RORA: variants seen among roughly 807,000 people sequenced by gnomAD.
RORA encodes the protein RAR related orphan receptor A, also known as nuclear receptor ROR-alpha.
Under a neutral mutation model 69.5 loss-of-function variants are expected in RORA, and 7 were observed. The observed-to-expected ratio is 0.10, with a 90% confidence interval of 0.06 to 0.19. The LOEUF (loss-of-function observed/expected upper bound fraction) is 0.19. RORA is among the 10% of genes least tolerant of loss of function. The pLI is 1.00. For missense variants in RORA, 457 were observed against 663.0 expected, an observed-to-expected ratio of 0.69 and a Z score of 3.41; for synonymous variants, 261 against 240.8, an observed-to-expected ratio of 1.08 and a Z score of -0.78.
In RORA at chr15:60,604,132, C is replaced by CA. The variant is rs3053857; in HGVS notation, c.197-72282dup. On this transcript the variant is annotated intron_variant, in intron 2 of 10. Coordinates refer to ENST00000335670, the MANE Select transcript of RORA (RefSeq NM_134261.3). ...TGGGTGACAGAGCGAGACTCTGTCTCAAAAAAAAAAAAAAAAAAAAAAGCA... is the reference window on the plus strand; with the variant it reads ...TGGGTGACAGAGCGAGACTCTGTCTCAAAAAAAAAAAAAAAAAAAAAAAGCA... Among the ~76,000 whole-genome samples the CA allele has an allele frequency of 6.3e-3, 583 of 91,842 alleles. 10 individuals carry two copies. Among genetic ancestry groups the CA allele is most frequent in the South Asian group, 9.6e-3 (25 of 2,596 alleles). The allele number at this position is 91,842 out of a possible 152,430, so 60.3% of individuals were successfully genotyped here.
At chr15:60,933,024 C>A (rs771410174) in intron 1 of RORA, among the ~76,000 whole-genome samples, 9 of 152,168 alleles carry the variant, frequency 5.9e-5, no homozygotes, top group Middle Eastern at 3.2e-3. Context: ...CCCCCACAGT[C>A]ATGAACTTGC....
At chr15:60,941,219 G>A (rs1892686085) in intron 1 of RORA, among the ~76,000 whole-genome samples, 1 of 152,160 alleles carries the variant, frequency 6.6e-6, no homozygotes, top group Admixed American at 6.5e-5. Context: ...TCAACCTCTG[G>A]TTAATTCAAG....
intron 1 of RORA, among the ~76,000 whole-genome samples, chr15:60,807,020 T>C (rs1418031871): frequency 6.6e-6 from 1 of 152,032 alleles, no homozygotes; most frequent in African/African-American, 2.4e-5. Flanking sequence ...GATGCCCACT[T>C]TTACCACTTC....
intron 3 of RORA, among the ~76,000 whole-genome samples, chr15:60,526,977 T>C (rs762526770): frequency 1.3e-5 from 2 of 152,242 alleles, no homozygotes; most frequent in Non-Finnish European, 2.9e-5. Flanking sequence ...TAAGAAAATA[T>C]ATTTGTTAAC....
At chr15:60,832,905 AGT>A (rs2073062697) in intron 1 of RORA, among the ~76,000 whole-genome samples, 1 of 151,314 alleles carries the variant, frequency 6.6e-6, no homozygotes. Context: ...ATCCCAACTG[AGT>A]GTTCTTTTTT....
At chr15:60,944,048 C>T (rs1349003773) in intron 1 of RORA, among the ~76,000 whole-genome samples, 2 of 151,782 alleles carry the variant, frequency 1.3e-5, no homozygotes, top group Non-Finnish European at 2.9e-5. Context: ...CATAGTCAGT[C>T]AGTCGTCCAT....
chr15:60,941,914 G>A (rs1019417728), intron 1 of RORA, among the ~76,000 whole-genome samples: 5 of 152,118 alleles, frequency 3.3e-5, no homozygotes, highest in Admixed American at 6.6e-5. Flanking sequence ...GTTTTTAAAA[G>A]CAGACATTTT....
chr15:60,561,056 GTT>G (rs59042428), intron 2 of RORA, among the ~76,000 whole-genome samples: 2 of 119,726 alleles, frequency 1.7e-5, no homozygotes, highest in African/African-American at 3.4e-5. Flanking sequence ...TTTAACTTGT[GTT>G]TTTTTTTTTT....
chr15:61,180,648 G>A (rs1274108759), intron 1 of RORA, among the ~76,000 whole-genome samples: 2 of 152,130 alleles, frequency 1.3e-5, no homozygotes, highest in East Asian at 1.9e-4. Flanking sequence ...TCTGTATGTT[G>A]TGCCTATGTC....
chr15:60,541,259 T>G (rs2066862864), intron 2 of RORA, among the ~76,000 whole-genome samples: 1 of 152,180 alleles, frequency 6.6e-6, no homozygotes. Flanking sequence ...ACAAAAAATA[T>G]GGCAAGTTCT....
intron 1 of RORA, among the ~76,000 whole-genome samples, chr15:61,137,952 A>G (rs1409857132): frequency 3.3e-5 from 5 of 152,242 alleles, no homozygotes; most frequent in African/African-American, 9.6e-5. Context: ...GTCCACCAGG[A>G]AAACATACTT....
Position 60,839,437 on chromosome 15 carries a change from A to T in RORA, c.167-160751T>A, listed in dbSNP as rs186219978. ...AATGCATTACTTTTAATGGCAAAAAACGAAATTACTTTTACACCAACCTAA... is the reference window on the plus strand; with the variant it reads ...AATGCATTACTTTTAATGGCAAAAATCGAAATTACTTTTACACCAACCTAA... On this transcript the variant is annotated intron_variant, in intron 1 of 10. Coordinates refer to ENST00000335670, the MANE Select transcript of RORA (RefSeq NM_134261.3). 2.5e-3 allele frequency among the ~76,000 whole-genome samples: 386 copies of T among 152,338 alleles called. 2 individuals are homozygous for T. The highest frequency in any genetic ancestry group is 7.7e-3 in the African/African-American group (320 of 41,570).
chr15:60,926,523 A>G (rs1431132685), intron 1 of RORA, among the ~76,000 whole-genome samples: 1 of 152,254 alleles, frequency 6.6e-6, no homozygotes, highest in Non-Finnish European at 1.5e-5. Context: ...TTTTAAGCAC[A>G]GTGGTACATC....
At chr15:60,544,643 A>G (rs2067012941) in intron 2 of RORA, among the ~76,000 whole-genome samples, 1 of 152,226 alleles carries the variant, frequency 6.6e-6, no homozygotes, top group Non-Finnish European at 1.5e-5. Flanking sequence ...TTCAAAGTAA[A>G]CAAGTTAATT....
intron 1 of RORA, among the ~76,000 whole-genome samples, chr15:61,104,232 T>G (rs530222612): frequency 6.6e-6 from 1 of 152,226 alleles, no homozygotes; most frequent in Non-Finnish European, 1.5e-5. Context: ...CTTCACGCTA[T>G]GCAGACAGGT....
At chr15:61,065,985 A>G (rs770667686) in intron 1 of RORA, among the ~76,000 whole-genome samples, 1 of 152,236 alleles carries the variant, frequency 6.6e-6, no homozygotes, top group Non-Finnish European at 1.5e-5. Context: ...TGGAAAGCCA[A>G]CAACTGAATC....
At chr15:61,142,935 C>G (rs2079314121) in intron 1 of RORA, among the ~76,000 whole-genome samples, 1 of 152,130 alleles carries the variant, frequency 6.6e-6, no homozygotes, top group Non-Finnish European at 1.5e-5. Flanking sequence ...CCCTAAGAGG[C>G]ATTCCTATTA....
intron 2 of RORA, among the ~76,000 whole-genome samples, chr15:60,609,642 C>T (rs1232422039): frequency 6.6e-6 from 1 of 152,212 alleles, no homozygotes; most frequent in Non-Finnish European, 1.5e-5. Flanking sequence ...GCCGCCGCAT[C>T]TCAACCCAAA....
intron 1 of RORA, among the ~76,000 whole-genome samples, chr15:61,101,150 C>G (rs12592311): frequency 0.19 from 29,162 of 152,164 alleles, 3,147 homozygotes; most frequent in East Asian, 0.35. Flanking sequence ...ACAAATCACT[C>G]ATTCATTCAC....
Sources: gnomAD v4.1 joint callset for allele counts (sites outside exome capture counted in the v4.1 genomes callset) on GRCh38, gnomAD v4.1.1 for gene constraint, MANE v1.5 for transcripts, NCBI Gene and HGNC (gene_info 2026-07-23, HGNC 2026-07-21) for gene names.